The following KCNIP4 variants were observed in gnomAD, a reference collection of about 807,000 sequenced individuals.
KCNIP4 encodes the protein potassium voltage-gated channel interacting protein 4, also known as Kv channel-interacting protein 4.
Under a neutral mutation model 34.0 loss-of-function variants are expected in KCNIP4, and 12 were observed. The observed-to-expected ratio is 0.35, with a 90% CI of 0.23 to 0.57. The LOEUF is 0.57. KCNIP4 is among the 20% of genes least tolerant of loss of function. The pLI is 0.83. For synonymous variants in KCNIP4, 124 were observed against 102.2 expected, an observed-to-expected ratio of 1.21 and a Z score of -1.29; for missense variants, 238 against 311.7, an observed-to-expected ratio of 0.76 and a Z score of 1.78.
intron 2 of KCNIP4, among the ~76,000 whole-genome samples, chr4:20,880,555 T>C (rs1437922990): frequency 1.3e-5 from 2 of 152,142 alleles, no homozygotes; most frequent in African/African-American, 4.8e-5. Context: ...GAACATTTAT[T>C]TGGGGGCATG....
intron 1 of KCNIP4, among the ~76,000 whole-genome samples, chr4:21,860,642 T>C (rs1356667667): frequency 6.7e-6 from 1 of 149,856 alleles, no homozygotes; most frequent in African/African-American, 2.4e-5. Context: ...GGCTTATCAT[T>C]AGACTCAGAT....
At chr4:20,905,522 T>TTTTTTTTTTTTTG (rs768668990) in intron 1 of KCNIP4, among the ~76,000 whole-genome samples, 32 of 111,256 alleles carry the variant, frequency 2.9e-4, no homozygotes, top group Non-Finnish European at 4.7e-4. Context: ...TTTTTTTTTT[T>TTTTTTTTTTTTTG]TTTGTTTGAG....
chr4:20,770,151 T>C (rs886604272), intron 3 of KCNIP4, among the ~76,000 whole-genome samples: 1 of 152,198 alleles, frequency 6.6e-6, no homozygotes, highest in African/African-American at 2.4e-5. Context: ...GCAGTTTTTG[T>C]TTAACAACAG....
intron 1 of KCNIP4, among the ~76,000 whole-genome samples, chr4:21,244,309 T>C (rs532169929): frequency 2.0e-5 from 3 of 152,316 alleles, no homozygotes; most frequent in Non-Finnish European, 2.9e-5. Context: ...TTTCCTTTCC[T>C]GCCACTTTTC....
At chr4:21,054,944 TG>T (rs1160271370) in intron 1 of KCNIP4, among the ~76,000 whole-genome samples, 1 of 152,136 alleles carries the variant, frequency 6.6e-6, no homozygotes, top group Non-Finnish European at 1.5e-5. Flanking sequence ...AAAACCTTTT[TG>T]CTCTGCTAAA....
intron 1 of KCNIP4, among the ~76,000 whole-genome samples, chr4:21,791,586 T>C (rs10011276): frequency 0.16 from 24,419 of 151,840 alleles, 4,841 homozygotes; most frequent in African/African-American, 0.48. Flanking sequence ...GGACTCACTC[T>C]GGTGAGTAAG....
intron 1 of KCNIP4, among the ~76,000 whole-genome samples, chr4:21,262,328 C>T (rs183682182): frequency 6.6e-6 from 1 of 152,096 alleles, no homozygotes; most frequent in Non-Finnish European, 1.5e-5. Context: ...CATGAATATT[C>T]ACTCCCAACT....
At chr4:21,916,078 G>A (rs975695897) in intron 1 of KCNIP4, among the ~76,000 whole-genome samples, 3 of 152,212 alleles carry the variant, frequency 2.0e-5, no homozygotes, top group Non-Finnish European at 4.4e-5. Context: ...GCATCCATAT[G>A]TTTGGGTCAA....
intron 3 of KCNIP4, among the ~76,000 whole-genome samples, chr4:20,825,584 A>G (rs1445686618): frequency 1.3e-5 from 2 of 152,194 alleles, no homozygotes; most frequent in East Asian, 1.9e-4. Context: ...CAGAACGTTT[A>G]GTTTTGGACA....
At chr4:21,109,690 GCA>G (rs1240340511) in intron 1 of KCNIP4, among the ~76,000 whole-genome samples, 13 of 152,292 alleles carry the variant, frequency 8.5e-5, no homozygotes, top group East Asian at 1.9e-4. Context: ...CCCGTCTTCT[GCA>G]TGACTCACGC....
chr4:21,012,813 T>C, intron 1 of KCNIP4, among the ~76,000 whole-genome samples: 1 of 152,196 alleles, frequency 6.6e-6, no homozygotes, highest in Non-Finnish European at 1.5e-5. Context: ...CTGTTCTATG[T>C]TTCTCACAGT....
intron 1 of KCNIP4, among the ~76,000 whole-genome samples, chr4:21,399,717 C>A (rs995143167): frequency 9.3e-5 from 14 of 151,094 alleles, no homozygotes; most frequent in Non-Finnish European, 1.5e-4. Context: ...AGTGCAGTGG[C>A]ACGATCTCGG....
At position 21,570,616 on chromosome 4, in the gene KCNIP4, A is replaced by G. The variant is rs577158448; in HGVS notation, c.61+377955T>C. Reference sequence around the variant, plus strand: ...TGGGAGAAGGATATATAACTCAATAAATCATGTTTAATATCAGTGGCTTTT... The same window carrying G: ...TGGGAGAAGGATATATAACTCAATAGATCATGTTTAATATCAGTGGCTTTT... On this transcript the variant is annotated intron_variant, in intron 1 of 8. Coordinates refer to ENST00000382152, the MANE Select transcript of KCNIP4 (RefSeq NM_025221.6). 1.6e-4 allele frequency among the ~76,000 whole-genome samples: 24 copies of G among 152,258 alleles called. No homozygotes were observed. The East Asian group carries it at 4.6e-3, about 29-fold the overall frequency.
At chr4:21,038,510 A>C (rs1444217598) in intron 1 of KCNIP4, among the ~76,000 whole-genome samples, 1 of 152,152 alleles carries the variant, frequency 6.6e-6, no homozygotes, top group Non-Finnish European at 1.5e-5. Flanking sequence ...TGGAGCATCC[A>C]GGTCATACAC....
chr4:21,174,259 G>A (rs569434030), intron 1 of KCNIP4, among the ~76,000 whole-genome samples: 1 of 152,258 alleles, frequency 6.6e-6, no homozygotes, highest in Non-Finnish European at 1.5e-5. Flanking sequence ...TCTGGCTGTA[G>A]GCTTTATGAA....
intron 1 of KCNIP4, among the ~76,000 whole-genome samples, chr4:21,343,296 A>C (rs1306221480): frequency 6.6e-6 from 1 of 152,144 alleles, no homozygotes; most frequent in Non-Finnish European, 1.5e-5. Flanking sequence ...GAACTATTGG[A>C]AAGCCACAGG....
intron 1 of KCNIP4, among the ~76,000 whole-genome samples, chr4:21,342,992 G>A (rs2109351723): frequency 6.6e-6 from 1 of 152,098 alleles, no homozygotes. Context: ...TGAGCCTTGA[G>A]TTCTCCTTCC....
intron 1 of KCNIP4, among the ~76,000 whole-genome samples, chr4:21,565,629 A>G (rs1739821024): frequency 6.6e-6 from 1 of 152,122 alleles, no homozygotes; most frequent in African/African-American, 2.4e-5. Context: ...CATTCACCTA[A>G]AGCAACTGAT....
At chr4:21,643,618 A>G (rs982199265) in intron 1 of KCNIP4, among the ~76,000 whole-genome samples, 6 of 152,128 alleles carry the variant, frequency 3.9e-5, no homozygotes, top group Non-Finnish European at 8.8e-5. Flanking sequence ...GATTTTGAGG[A>G]AAGCATATTA....
Sources: gnomAD v4.1 joint callset for allele counts (sites outside exome capture counted in the v4.1 genomes callset) on GRCh38, gnomAD v4.1.1 for gene constraint, MANE v1.5 for transcripts, NCBI Gene and HGNC (gene_info 2026-07-23, HGNC 2026-07-21) for gene names.